The following CTNNA3 variants were observed in gnomAD, a reference collection of about 807,000 sequenced individuals.
CTNNA3 encodes the protein catenin alpha-3.
A neutral mutation model predicts 95.7 loss-of-function variants in CTNNA3; 76 were observed. The observed-to-expected ratio is 0.79, with a 90% CI of 0.66 to 0.96. The LOEUF (loss-of-function observed/expected upper bound fraction) is 0.96, where lower values mean the gene tolerates loss of function less well. CTNNA3 is among the 40% of genes least tolerant of loss of function. The probability of loss-of-function intolerance (pLI) is 0.00; values close to 1 mark genes in which losing one functional copy is unlikely to be tolerated. For synonymous variants in CTNNA3, 431 were observed against 374.4 expected, an observed-to-expected ratio of 1.15 and a Z score of -1.74; for missense variants, 1,191 against 1,089.8, an observed-to-expected ratio of 1.09 and a Z score of -1.31.
rs540474235 is a variant in CTNNA3, at chr10:66,397,353, T to C, written c.1532-18001A>G. Among the ~76,000 whole-genome samples, 11 of 151,784 alleles carry C rather than the reference T, an allele frequency of 7.2e-5. No individual in the cohort carries two copies. The South Asian group carries it at 2.3e-3, about 31-fold the overall frequency. ...ACTACCATTTATTAACATTTATATA[T>C]TGCTGAAGTAAATATAACATTGATA... On this transcript the variant is annotated intron_variant, in intron 11 of 17. Coordinates refer to ENST00000433211, the MANE Select transcript of CTNNA3 (RefSeq NM_013266.4).
chr10:67,328,273 C>A (rs1192027715), intron 5 of CTNNA3, among the ~76,000 whole-genome samples: 1 of 152,152 alleles, frequency 6.6e-6, no homozygotes, highest in African/African-American at 2.4e-5. Flanking sequence ...TCTGCCAGTG[C>A]AGAAGCTATG....
intron 10 of CTNNA3, among the ~76,000 whole-genome samples, chr10:66,608,602 G>A (rs1055821322): frequency 6.6e-6 from 1 of 151,794 alleles, no homozygotes; most frequent in Non-Finnish European, 1.5e-5. Flanking sequence ...GAGACCAATG[G>A]AATAGAATAG....
intron 10 of CTNNA3, among the ~76,000 whole-genome samples, chr10:66,563,071 A>G (rs990332275): frequency 6.6e-6 from 1 of 152,178 alleles, no homozygotes; most frequent in Non-Finnish European, 1.5e-5. Flanking sequence ...GCCAAAGAAC[A>G]GCAGGTGACC....
chr10:65,953,951 G>T (rs7476083), intron 17 of CTNNA3, among the ~76,000 whole-genome samples: 32,664 of 152,132 alleles, frequency 0.21, 3,992 homozygotes, highest in Middle Eastern at 0.35. Flanking sequence ...GATCCTTGAG[G>T]AATCACCACA....
chr10:67,696,750 C>T (rs1840971817), upstream of CTNNA3, among the ~76,000 whole-genome samples: 3 of 151,604 alleles, frequency 2.0e-5, no homozygotes, highest in African/African-American at 7.3e-5. Flanking sequence ...TTTATTTTTT[C>T]TCTCTATGAC....
At chr10:66,620,764 TCA>T (rs1844716990) in intron 10 of CTNNA3, among the ~76,000 whole-genome samples, 1 of 152,150 alleles carries the variant, frequency 6.6e-6, no homozygotes, top group Admixed American at 6.5e-5. Context: ...GCAGTTTCCT[TCA>T]CAGTTTCCTT....
At chr10:67,606,128 T>C (rs1379268852) in intron 3 of CTNNA3, among the ~76,000 whole-genome samples, 2 of 152,208 alleles carry the variant, frequency 1.3e-5, no homozygotes, top group Admixed American at 6.5e-5. Context: ...CCCAAGTCTC[T>C]TTTACAAAGC....
intron 3 of CTNNA3, among the ~76,000 whole-genome samples, chr10:67,549,950 T>A (rs1227804645): frequency 6.6e-6 from 1 of 152,212 alleles, no homozygotes; most frequent in East Asian, 1.9e-4. Context: ...TGCTGATCCC[T>A]CATCTGAGAT....
chr10:67,718,022 G>C (rs144235009), intron 1 of CTNNA3, among the ~76,000 whole-genome samples: 3 of 152,134 alleles, frequency 2.0e-5, no homozygotes, highest in Non-Finnish European at 4.4e-5. Context: ...TCTCCTTGAA[G>C]AGGTCCTCAC....
intron 7 of CTNNA3, among the ~76,000 whole-genome samples, chr10:67,053,132 T>C (rs1855213658): frequency 6.6e-6 from 1 of 152,242 alleles, no homozygotes; most frequent in Non-Finnish European, 1.5e-5. Flanking sequence ...AATTACTTTA[T>C]CATAGTATTC....
rs149269997 is a variant in CTNNA3, at chr10:66,973,544, C to T, written c.1048-198020G>A. Among the ~76,000 whole-genome samples, 527 of 152,284 alleles carry T rather than the reference C, an allele frequency of 3.5e-3. 11 individuals carry two copies. Among genetic ancestry groups the T allele is most frequent in the Admixed American group, 0.027 (419 of 15,292 alleles). ...CTTCTAAGTTTGTTTTAGTAACATT[C>T]TCATTTATAATTAGCAATATATAAT... is the stretch of plus-strand genomic sequence containing the variant. On this transcript the variant is annotated intron_variant, in intron 7 of 17. Transcript: ENST00000433211.
intron 15 of CTNNA3, among the ~76,000 whole-genome samples, chr10:66,006,986 A>G (rs571306793): frequency 1.2e-4 from 18 of 152,138 alleles, no homozygotes; most frequent in Non-Finnish European, 2.4e-4. Flanking sequence ...TTCTGAGATG[A>G]CAAGACCTTT....
intron 5 of CTNNA3, among the ~76,000 whole-genome samples, chr10:67,465,710 AAAC>A (rs1314066925): frequency 1.3e-5 from 2 of 152,174 alleles, no homozygotes; most frequent in Non-Finnish European, 2.9e-5. Context: ...TCAGAAAAAT[AAAC>A]AACAAGAAAA....
At chr10:66,674,368 T>A (rs1389409097) in intron 9 of CTNNA3, among the ~76,000 whole-genome samples, 1 of 152,038 alleles carries the variant, frequency 6.6e-6, no homozygotes, top group African/African-American at 2.4e-5. Flanking sequence ...TGGTATTCAG[T>A]GTATAGTGTA....
intron 13 of CTNNA3, among the ~76,000 whole-genome samples, chr10:66,113,628 T>C (rs1229132321): frequency 6.6e-6 from 1 of 152,188 alleles, no homozygotes. Flanking sequence ...TAATTATTTA[T>C]AAAATTTCAG....
At chr10:67,564,675 GTGTA>G (rs1554854240) in intron 3 of CTNNA3, among the ~76,000 whole-genome samples, 6 of 67,874 alleles carry the variant, frequency 8.8e-5, no homozygotes, top group Non-Finnish European at 1.5e-4. Flanking sequence ...GTGTGTGTGT[GTGTA>G]TATATATATA....
intron 15 of CTNNA3, among the ~76,000 whole-genome samples, chr10:66,005,545 A>G (rs1423132013): frequency 2.6e-5 from 4 of 152,114 alleles, no homozygotes; most frequent in Admixed American, 1.3e-4. Flanking sequence ...TGGCCTGGAA[A>G]AATTTGGAGA....
At chr10:67,076,994 T>A (rs996071665) in intron 7 of CTNNA3, among the ~76,000 whole-genome samples, 1 of 152,162 alleles carries the variant, frequency 6.6e-6, no homozygotes, top group African/African-American at 2.4e-5. Flanking sequence ...ACTTGCATTG[T>A]CTCTTGTTTC....
At chr10:66,309,834 C>T (rs905978747) in intron 12 of CTNNA3, among the ~76,000 whole-genome samples, 9 of 149,650 alleles carry the variant, frequency 6.0e-5, no homozygotes, top group Non-Finnish European at 1.3e-4. Flanking sequence ...CCAAGGTGGG[C>T]GGATCAGGAA....
Sources: gnomAD v4.1 joint callset for allele counts (sites outside exome capture counted in the v4.1 genomes callset) on GRCh38, gnomAD v4.1.1 for gene constraint, MANE v1.5 for transcripts, NCBI Gene and HGNC (gene_info 2026-07-23, HGNC 2026-07-21) for gene names.